ARPP21: variants seen among roughly 807,000 people sequenced by gnomAD.
ARPP21 encodes cAMP-regulated phosphoprotein 21.
A neutral mutation model predicts 113.2 loss-of-function variants in ARPP21; 69 were observed. The observed-to-expected ratio is 0.61, with a 90% confidence interval of 0.50 to 0.74. The LOEUF (loss-of-function observed/expected upper bound fraction) is 0.74, where lower values mean the gene tolerates loss of function less well. Among genes scored for constraint, ARPP21 ranks in the 30% least tolerant of loss-of-function variants. ARPP21 has a pLI of 0.00. For missense variants in ARPP21, 1,070 were observed against 1,037.4 expected (o/e 1.03, Z -0.43); for synonymous variants, 368 against 375.5 (o/e 0.98, Z 0.23).
At chr3:35,685,360 T>A (rs1484140436) in intron 5 of ARPP21, 1 of 985,182 alleles carries the variant, frequency 1.0e-6, no homozygotes, top group Non-Finnish European at 1.2e-6. Flanking sequence ...TGCAAGCCTC[T>A]CTTTGGATTG....
At chr3:35,638,877 C>G (rs1697390005), upstream of ARPP21, 1 of 152,410 alleles carries the variant, frequency 6.6e-6, no homozygotes, top group African/African-American at 2.4e-5. Context: ...CAAAGAATCT[C>G]CAAGAGCGCT....
At chr3:35,759,483 TCAGGTAATTGAA>T (rs1463122644) in intron 19 of ARPP21, among the ~76,000 whole-genome samples, 1 of 152,132 alleles carries the variant, frequency 6.6e-6, no homozygotes, top group Admixed American at 6.6e-5. Context: ...TCTCTTTTTT[TCAGGTAATTGAA>T]CAGGTAATTG....
chr3:35,793,378 T>C (rs369863141), intron 20 of ARPP21, among the ~76,000 whole-genome samples: 38 of 152,230 alleles, frequency 2.5e-4, no homozygotes, highest in African/African-American at 8.2e-4. Flanking sequence ...CTAGAGGTCA[T>C]TGAGAGAGAA....
chr3:35,658,552 A>T (rs569460488), intron 1 of ARPP21, among the ~76,000 whole-genome samples: 1 of 152,212 alleles, frequency 6.6e-6, no homozygotes, highest in South Asian at 2.1e-4. Context: ...TAAAAATGAT[A>T]TGCAATATCA....
intron 18 of ARPP21, 133 bp downstream of exon 18, chr3:35,739,710 A>T: frequency 8.2e-7 from 1 of 1,224,090 alleles, no homozygotes; most frequent in Admixed American, 3.0e-5. Context: ...CCTCACCAAC[A>T]GGAAGTAGTA....
intron 5 of ARPP21, chr3:35,684,925 T>C: frequency 1.0e-6 from 1 of 985,182 alleles, no homozygotes; most frequent in Non-Finnish European, 1.2e-6. Context: ...CTGAGAAATG[T>C]GTGGCTTTCC....
At chr3:35,665,851 G>C (rs2074233756) in intron 1 of ARPP21, among the ~76,000 whole-genome samples, 1 of 152,156 alleles carries the variant, frequency 6.6e-6, no homozygotes, top group African/African-American at 2.4e-5. Context: ...TATTTAGTTA[G>C]TGTATGCACA....
chr3:35,707,117 T>C, intron 10 of ARPP21, 35 bp downstream of exon 10: 1 of 1,539,578 alleles, frequency 6.5e-7, no homozygotes, highest in Non-Finnish European at 9.0e-7. Flanking sequence ...CTGACATTGT[T>C]GTTTTTGAAG....
intron 11 of ARPP21, among the ~76,000 whole-genome samples, chr3:35,709,345 G>A (rs1304634965): frequency 6.6e-6 from 1 of 152,150 alleles, no homozygotes; most frequent in East Asian, 1.9e-4. Flanking sequence ...AATACAGAAA[G>A]TGTTTGTCAG....
intron 15 of ARPP21, among the ~76,000 whole-genome samples, chr3:35,731,879 T>C (rs978081538): frequency 6.6e-6 from 1 of 152,216 alleles, no homozygotes; most frequent in Admixed American, 6.5e-5. Context: ...TGCTTCTCAT[T>C]TGAACTGCCC....
chr3:35,737,839 C>G (rs1175518508), intron 16 of ARPP21, among the ~76,000 whole-genome samples: 2 of 152,156 alleles, frequency 1.3e-5, no homozygotes, highest in Non-Finnish European at 2.9e-5. Context: ...CGGAGCTGCC[C>G]TCCTTTGCTG....
At chr3:35,740,079 C>T (rs965445119) in intron 18 of ARPP21, among the ~76,000 whole-genome samples, 5 of 152,214 alleles carry the variant, frequency 3.3e-5, no homozygotes, top group Non-Finnish European at 4.4e-5. Flanking sequence ...CTGATATCCA[C>T]AGTCCTTTTC....
chr3:35,739,420 T>C lies in ARPP21; in HGVS notation c.1853T>C (p.Met618Thr), dbSNP rs772075515. The change falls in exon 18 of 21, where the codon ATG (methionine) becomes ACG (threonine). Residue 618 changes from methionine (M) to threonine (T), a missense_variant. Transcript: ENST00000684406. ...GGTCCTGTCTACCCATCCTCCCTTA[T>C]GCCACAGCCGGCCCAGCAGCCCAGC... ...PSGPVYPSSL[M>T]PQPAQQPSYV... 1.2e-6 allele frequency: 2 copies of C among 1,614,144 alleles called. No homozygotes were observed. Among genetic ancestry groups the C allele is most frequent in the East Asian group, 2.2e-5 (1 of 44,848 alleles).
chr3:35,762,122 T>TCACACACA (rs1246202951), intron 19 of ARPP21, among the ~76,000 whole-genome samples: 7 of 144,390 alleles, frequency 4.8e-5, no homozygotes, highest in African/African-American at 1.9e-4. Context: ...TCTCTCTCTC[T>TCACACACA]CTCTCACACA....
At chr3:35,744,885 G>A (rs546104347) in intron 19 of ARPP21, among the ~76,000 whole-genome samples, 2 of 152,294 alleles carry the variant, frequency 1.3e-5, no homozygotes, top group African/African-American at 2.4e-5. Context: ...TATGAGAAAA[G>A]TGCAGTTCTT....
chr3:35,737,983 T>C (rs1034951514), intron 16 of ARPP21, among the ~76,000 whole-genome samples: 3 of 152,206 alleles, frequency 2.0e-5, no homozygotes, highest in Admixed American at 6.5e-5. Flanking sequence ...TAACCAACAA[T>C]ATCAAACGTA....
chr3:35,645,355 T>C (rs1481954604), intron 1 of ARPP21, among the ~76,000 whole-genome samples: 1 of 151,870 alleles, frequency 6.6e-6, no homozygotes, highest in Non-Finnish European at 1.5e-5. Context: ...ATAAAATTTG[T>C]TTTTAGTTTA....
chr3:35,677,625 T>G (rs929895676), intron 1 of ARPP21, among the ~76,000 whole-genome samples: 1 of 151,922 alleles, frequency 6.6e-6, no homozygotes, highest in Non-Finnish European at 1.5e-5. Context: ...TAAAAAAAGA[T>G]AGTAACTTTT....
At chr3:35,695,291 G>T (rs1387011721) in intron 9 of ARPP21, among the ~76,000 whole-genome samples, 1 of 151,494 alleles carries the variant, frequency 6.6e-6, no homozygotes, top group Non-Finnish European at 1.5e-5. Context: ...TAAGAGCAGA[G>T]ATGTTATGTT....
Sources: allele counts gnomAD v4.1 joint callset (sites outside exome capture counted in the v4.1 genomes callset), GRCh38; gene constraint gnomAD v4.1.1; transcripts MANE v1.5; gene names NCBI Gene and HGNC (gene_info 2026-07-23, HGNC 2026-07-21).